Variants in ASAP2 observed in about 807,000 individuals in gnomAD.
ASAP2 encodes the protein ArfGAP with SH3 domain, ankyrin repeat and PH domain 2, also known as arf-GAP with SH3 domain, ANK repeat and PH domain-containing protein 2.
Under a neutral mutation model 131.4 loss-of-function variants are expected in ASAP2, and 45 were observed. The observed-to-expected ratio is 0.34, with a 90% confidence interval of 0.27 to 0.44. The LOEUF is 0.44. Among genes scored for constraint, ASAP2 ranks in the 20% least tolerant of loss-of-function variants. ASAP2 has a pLI of 1.00. For missense variants in ASAP2, 1,011 were observed against 1,297.0 expected, an observed-to-expected ratio of 0.78 and a Z score of 3.39; for synonymous variants, 510 against 503.0, an observed-to-expected ratio of 1.01 and a Z score of -0.19.
rs1572659702 is a variant in ASAP2 at position 9,403,431 on chromosome 2, A to G, written c.*104A>G. 3.1e-6 allele frequency: 3 copies of G among 983,486 alleles called. No individual in the cohort carries two copies. Among genetic ancestry groups the G allele is most frequent in the African/African-American group, 1.6e-5 (1 of 61,994 alleles). The allele number at this position is 983,486 out of a possible 1,614,324, so 60.9% of individuals were successfully genotyped here. A position where few individuals can be genotyped will look rare whatever the true frequency, so the allele number is the denominator to read the frequency against. On this transcript the variant is annotated 3_prime_UTR_variant, in exon 28 of 28. Coordinates refer to ENST00000281419, the MANE Select transcript of ASAP2 (RefSeq NM_003887.3). ...TCATGAACTGTTTGTATGGCAGCCC[A>G]TGTTCTCTAATGCCACTGCTCTGTT...
intron 16 of ASAP2, among the ~76,000 whole-genome samples, chr2:9,370,825 C>T (rs375367455): frequency 3.9e-4 from 59 of 152,172 alleles, no homozygotes; most frequent in African/African-American, 1.4e-3. Flanking sequence ...GGTGAAGGAG[C>T]TCTTCCTGGG....
intron 2 of ASAP2, among the ~76,000 whole-genome samples, chr2:9,287,402 A>G (rs1339347357): frequency 6.6e-6 from 1 of 152,204 alleles, no homozygotes; most frequent in Non-Finnish European, 1.5e-5. Flanking sequence ...TAGTTGTAAG[A>G]GCAGCATTTA....
chr2:9,382,762 T>C (rs1674962489), intron 20 of ASAP2, among the ~76,000 whole-genome samples: 1 of 152,218 alleles, frequency 6.6e-6, no homozygotes, highest in African/African-American at 2.4e-5. Flanking sequence ...CAACAAGCAA[T>C]ACAGAAGCAG....
At chr2:9,340,923 A>G (rs995155646) in intron 9 of ASAP2, among the ~76,000 whole-genome samples, 5 of 152,238 alleles carry the variant, frequency 3.3e-5, no homozygotes, top group Middle Eastern at 3.2e-3. Context: ...GGACACTGAT[A>G]GAATTTCATG....
intron 1 of ASAP2, among the ~76,000 whole-genome samples, chr2:9,254,236 A>AAAAAAAACATATATATAC (rs1553297024): frequency 2.1e-5 from 1 of 47,110 alleles, no homozygotes; most frequent in African/African-American, 1.4e-4. Flanking sequence ...AAAAAAAAAA[A>AAAAAAAACATATATATAC]ATATATATAT....
chr2:9,292,618 G>A (rs2148371541), intron 2 of ASAP2, among the ~76,000 whole-genome samples: 1 of 152,308 alleles, frequency 6.6e-6, no homozygotes, highest in African/African-American at 2.4e-5. Context: ...GTCTGTTTCT[G>A]TGATCTGCTC....
At chr2:9,386,393 A>AT (rs1675261251) in intron 21 of ASAP2, among the ~76,000 whole-genome samples, 1 of 152,152 alleles carries the variant, frequency 6.6e-6, no homozygotes, top group Admixed American at 6.5e-5. Flanking sequence ...CCTTAAAAAA[A>AT]AAAAGCTGGA....
chr2:9,222,856 T>C (rs2136842), intron 1 of ASAP2, among the ~76,000 whole-genome samples: 85,997 of 151,982 alleles, frequency 0.57, 25,940 homozygotes, highest in African/African-American at 0.79. Context: ...CCTTGGGGAC[T>C]GGGATGCTTA....
At chr2:9,306,401 C>T (rs1202558333) in intron 3 of ASAP2, among the ~76,000 whole-genome samples, 2 of 151,720 alleles carry the variant, frequency 1.3e-5, no homozygotes, top group East Asian at 1.9e-4. Flanking sequence ...GCCTCAGGGA[C>T]GTTTCCCAGA....
chr2:9,403,057 G>C (rs917011933), intron 27 of ASAP2, among the ~76,000 whole-genome samples, 196 bp from the exon 28 acceptor site: 1 of 152,230 alleles, frequency 6.6e-6, no homozygotes, highest in African/African-American at 2.4e-5. Context: ...TTACACGGGA[G>C]AGGCCTGCAC....
chr2:9,289,967 G>A (rs142664793), intron 2 of ASAP2, among the ~76,000 whole-genome samples: 2 of 142,448 alleles, frequency 1.4e-5, no homozygotes, highest in East Asian at 2.0e-4. Flanking sequence ...TGGAGAAGGC[G>A]GAGGAAGTGG....
intron 1 of ASAP2, among the ~76,000 whole-genome samples, chr2:9,215,442 C>T (rs923238353): frequency 1.3e-5 from 2 of 151,964 alleles, no homozygotes; most frequent in African/African-American, 4.8e-5. Flanking sequence ...TGAATATAAA[C>T]AATACGAGAT....
rs185524134 is a variant in ASAP2, at chr2:9,326,674, G to A, written c.601-1152G>A. Among the ~76,000 whole-genome samples, 237 of 152,122 alleles carry A rather than the reference G, an allele frequency of 1.6e-3. 2 individuals carry two copies. The highest frequency in any genetic ancestry group is 0.014 in the Middle Eastern group (4 of 294). The stretch of plus-strand genomic sequence containing the variant: ...AAAAAATCGTATAAGTAGATCTTTC[G>A]CTGCTGATGCTTTATAACCTATTTT... On this transcript the variant is annotated intron_variant, in intron 6 of 27. Transcript: ENST00000281419.
chr2:9,378,788 G>T (rs1674600474), intron 18 of ASAP2, among the ~76,000 whole-genome samples, 156 bp from the exon 19 acceptor site: 1 of 152,238 alleles, frequency 6.6e-6, no homozygotes, highest in African/African-American at 2.4e-5. Flanking sequence ...CAGGGACGGT[G>T]CCAGGTCCCA....
At chr2:9,231,718 T>G (rs1314187715) in intron 1 of ASAP2, among the ~76,000 whole-genome samples, 1 of 152,144 alleles carries the variant, frequency 6.6e-6, no homozygotes, top group Admixed American at 6.5e-5. Flanking sequence ...GTTCCCATGG[T>G]CCTTCTGCTA....
At chr2:9,337,025 T>A (rs1671248802) in intron 9 of ASAP2, among the ~76,000 whole-genome samples, 1 of 152,274 alleles carries the variant, frequency 6.6e-6, no homozygotes, top group Admixed American at 6.5e-5. Context: ...CGGGCTGTTG[T>A]GAGAGAACTG....
chr2:9,297,219 T>A, intron 2 of ASAP2, 81 bp from the exon 3 acceptor site: 1 of 1,552,900 alleles, frequency 6.4e-7, no homozygotes, highest in Non-Finnish European at 8.8e-7. Context: ...GTGTTCAGTG[T>A]TATTCACAAC....
intron 27 of ASAP2, among the ~76,000 whole-genome samples, chr2:9,402,909 GTTCA>G (rs758340969): frequency 5.3e-5 from 8 of 152,162 alleles, no homozygotes; most frequent in South Asian, 2.1e-4. Flanking sequence ...GTGACACTCA[GTTCA>G]TTCATTCATT....
intron 3 of ASAP2, among the ~76,000 whole-genome samples, chr2:9,305,241 G>C (rs867522189): frequency 1.8e-3 from 265 of 149,946 alleles, no homozygotes; most frequent in African/African-American, 5.5e-3. Flanking sequence ...GCAGTAGTGG[G>C]GTATACATAT....
Sources: gnomAD v4.1 joint callset for allele counts (sites outside exome capture counted in the v4.1 genomes callset) on GRCh38, gnomAD v4.1.1 for gene constraint, MANE v1.5 for transcripts, NCBI Gene and HGNC (gene_info 2026-07-23, HGNC 2026-07-21) for gene names.